PRH1: variants seen among roughly 807,000 people sequenced by gnomAD.
PRH1 encodes the protein proline rich protein HaeIII subfamily 1, also known as salivary acidic proline-rich phosphoprotein 1/2.
In PRH1, 7 loss-of-function variants were observed where a neutral mutation model predicts 7.9. The observed-to-expected ratio is 0.89, with a 90% CI of 0.50 to 1.67. The LOEUF is 1.67. Among genes scored for constraint, PRH1 ranks in the 40% most tolerant of loss-of-function variants. The probability of loss-of-function intolerance (pLI) is 0.00; values close to 1 mark genes in which losing one functional copy is unlikely to be tolerated. For missense variants in PRH1, 109 were observed against 223.6 expected, an observed-to-expected ratio of 0.49 and a Z score of 3.27; for synonymous variants, 45 against 80.8, an observed-to-expected ratio of 0.56 and a Z score of 2.38.
chr12:10,990,037 C>A (rs1939853890), intron 1 of PRH1, among the ~76,000 whole-genome samples: 1 of 152,088 alleles, frequency 6.6e-6, no homozygotes. Flanking sequence ...GCAAAAAGAA[C>A]AAAACTGGAG....
chr12:11,096,239 C>G lies in PRH1; in HGVS notation n.124-49051G>C, dbSNP rs1435766603. On this transcript the variant is annotated intron_variant and non_coding_transcript_variant, in intron 1 of 4. Coordinates refer to the PRH1 transcript ENST00000541977. ...GCTTCACTGTCTGTGGCCCTCTAGC[C>G]TTATATTTTCTACCTCTTGATCTCT... Among the ~76,000 whole-genome samples, 2 of 115,640 alleles carry G rather than the reference C, an allele frequency of 1.7e-5. 1 individual carries two copies. Among genetic ancestry groups the G allele is most frequent in the Non-Finnish European group, 4.1e-5 (2 of 48,988 alleles). The allele number at this position is 115,640 out of a possible 152,430, so 75.9% of individuals were successfully genotyped here. A position where few individuals can be genotyped will look rare whatever the true frequency, so the allele number is the denominator to read the frequency against.
At chr12:10,940,265 C>A (rs1191875139) in intron 2 of PRH1, among the ~76,000 whole-genome samples, 1 of 152,172 alleles carries the variant, frequency 6.6e-6, no homozygotes, top group African/African-American at 2.4e-5. Flanking sequence ...GGATCTAAAT[C>A]TTTTTCTCTT....
At chr12:11,153,149 T>C (rs1000018596) in intron 1 of PRH1, among the ~76,000 whole-genome samples, 1 of 152,182 alleles carries the variant, frequency 6.6e-6, no homozygotes, top group Non-Finnish European at 1.5e-5. Context: ...GAGGCTGCCA[T>C]AGAACATTTT....
intron 2 of PRH1, among the ~76,000 whole-genome samples, chr12:10,959,276 G>T (rs1938120134): frequency 6.6e-6 from 1 of 152,082 alleles, no homozygotes; most frequent in Non-Finnish European, 1.5e-5. Flanking sequence ...TTTTGATTTG[G>T]ACATGTTAGT....
intron 2 of PRH1, among the ~76,000 whole-genome samples, chr12:10,958,049 T>C (rs1362900132): frequency 6.6e-6 from 1 of 152,176 alleles, no homozygotes; most frequent in African/African-American, 2.4e-5. Flanking sequence ...AAACCAGCAA[T>C]TCCATTATTG....
At chr12:10,997,299 T>A (rs1358201887) in intron 1 of PRH1, 6 of 1,614,124 alleles carry the variant, frequency 3.7e-6, no homozygotes. Flanking sequence ...AGAAAAGATA[T>A]CAGGGTCAGA....
chr12:11,066,454 T>C (rs538961619), intron 1 of PRH1, among the ~76,000 whole-genome samples: 1 of 152,104 alleles, frequency 6.6e-6, no homozygotes, highest in African/African-American at 2.4e-5. Flanking sequence ...TAAATAATTA[T>C]TTGCTTAAGC....
At chr12:11,076,191 G>A (rs74355748) in intron 1 of PRH1, among the ~76,000 whole-genome samples, 2,103 of 20,266 alleles carry the variant, frequency 0.1, 866 homozygotes, top group Non-Finnish European at 0.31. Context: ...TAGCTGTTCA[G>A]CAAGGCTGTA....
intron 1 of PRH1, among the ~76,000 whole-genome samples, chr12:11,068,623 G>A (rs11608503): frequency 8.4e-3 from 1,274 of 152,044 alleles, no homozygotes; most frequent in Non-Finnish European, 0.011. Flanking sequence ...AGAGCTATAC[G>A]TAAAAGGTGA....
intron 2 of PRH1, among the ~76,000 whole-genome samples, chr12:10,920,371 C>A (rs2052179): frequency 0.51 from 76,878 of 151,828 alleles, 21,838 homozygotes; most frequent in East Asian, 0.72. Context: ...TTAATTTGAG[C>A]ATAATCAATG....
chr12:11,157,294 T>C (rs1947281531), intron 1 of PRH1, among the ~76,000 whole-genome samples: 1 of 152,204 alleles, frequency 6.6e-6, no homozygotes, highest in African/African-American at 2.4e-5. Flanking sequence ...AAAATGCCAT[T>C]ACCATAAATA....
rs376828759 is a variant in PRH1 at position 10,883,049 on chromosome 12, A to G, written c.100+12T>C. The stretch of plus-strand genomic sequence containing the variant: ...TGGAGACAGAGTTTACTGAGAATTT[A>G]TTGGGATTTACCTGATATTACGAGG... On this transcript the variant is annotated intron_variant, in intron 2 of 3. Transcript: ENST00000543626. 3 of 1,609,912 alleles carry G rather than the reference A, an allele frequency of 1.9e-6. No homozygotes were observed. The East Asian group carries it at 6.7e-5, about 36-fold the overall frequency.
chr12:11,010,575 A>T (rs1241936582), intron 1 of PRH1, among the ~76,000 whole-genome samples: 1 of 151,944 alleles, frequency 6.6e-6, no homozygotes, highest in African/African-American at 2.4e-5. Context: ...GTACAATAAA[A>T]AATACTTCGC....
intron 1 of PRH1, among the ~76,000 whole-genome samples, chr12:11,130,636 T>C (rs545370487): frequency 6.7e-4 from 81 of 120,608 alleles, no homozygotes; most frequent in African/African-American, 2.1e-3. Context: ...GTGGGCATTA[T>C]AGGACTCTGT....
At chr12:10,991,895 T>C (rs559277050) in intron 1 of PRH1, among the ~76,000 whole-genome samples, 148 of 152,250 alleles carry the variant, frequency 9.7e-4, no homozygotes, top group South Asian at 4.1e-4. Flanking sequence ...AAACTAACCA[T>C]TGGCAACACA....
rs576119128 is a variant in PRH1 at position 11,148,168 on chromosome 12, C to T, written n.39+23254G>A. 2.8e-3 allele frequency among the ~76,000 whole-genome samples: 392 copies of T among 140,910 alleles called. 12 individuals are homozygous for T. Among genetic ancestry groups the T allele is most frequent in the Non-Finnish European group, 6.3e-4 (40 of 63,532 alleles). The allele number at this position is 140,910 out of a possible 152,430, so 92.4% of individuals were successfully genotyped here. A position where few individuals can be genotyped will look rare whatever the true frequency, so the allele number is the denominator to read the frequency against. On this transcript the variant is annotated intron_variant and non_coding_transcript_variant, in intron 1 of 1. Coordinates refer to the PRH1 transcript ENST00000541175. ...CTGAGACTTTGCTGAAGTTGCTTAT[C>T]AGCTTAACGAGATTTTGGGCTGAGA... is the stretch of plus-strand genomic sequence containing the variant.
At chr12:11,013,438 CA>C (rs1305192882) in intron 1 of PRH1, among the ~76,000 whole-genome samples, 1 of 151,906 alleles carries the variant, frequency 6.6e-6, no homozygotes, top group Non-Finnish European at 1.5e-5. Flanking sequence ...ACACCATACA[CA>C]AAAAATAACT....
intron 2 of PRH1, chr12:10,937,616 T>C (rs1392824214): frequency 6.6e-6 from 1 of 152,168 alleles, no homozygotes; most frequent in Non-Finnish European, 1.5e-5. Flanking sequence ...ACCATTTCAT[T>C]ATACAACTGA....
At chr12:11,066,209 G>A (rs1357999616) in intron 1 of PRH1, among the ~76,000 whole-genome samples, 1 of 148,770 alleles carries the variant, frequency 6.7e-6, no homozygotes, top group East Asian at 1.9e-4. Flanking sequence ...GTATAGTTTT[G>A]TTTATAGAAC....
Sources: allele counts gnomAD v4.1 joint callset (sites outside exome capture counted in the v4.1 genomes callset), GRCh38; gene constraint gnomAD v4.1.1; transcripts MANE v1.5; gene names NCBI Gene and HGNC (gene_info 2026-07-23, HGNC 2026-07-21).